Variants in RARB observed in about 807,000 individuals in gnomAD.
The protein encoded by RARB is retinoic acid receptor beta, also known as HBV-activated protein.
A neutral mutation model predicts 51.9 loss-of-function variants in RARB; 17 were observed. The observed-to-expected ratio is 0.33, with a 90% CI of 0.22 to 0.49. The LOEUF is 0.49. RARB is among the 20% of genes least tolerant of loss of function. The probability of loss-of-function intolerance (pLI) is 0.99; values close to 1 mark genes in which losing one functional copy is unlikely to be tolerated. For synonymous variants in RARB, 215 were observed against 195.4 expected, an observed-to-expected ratio of 1.10 and a Z score of -0.84; for missense variants, 369 against 550.8, an observed-to-expected ratio of 0.67 and a Z score of 3.30.
chr3:24,883,256 C>T (rs2125358241), intron 2 of RARB, among the ~76,000 whole-genome samples: 1 of 152,110 alleles, frequency 6.6e-6, no homozygotes, highest in African/African-American at 2.4e-5. Flanking sequence ...AGTCATTGAT[C>T]TCTAATTAAA....
At chr3:25,341,663 C>G (rs1705231597) in intron 5 of RARB, among the ~76,000 whole-genome samples, 3 of 152,120 alleles carry the variant, frequency 2.0e-5, no homozygotes, top group Non-Finnish European at 4.4e-5. Flanking sequence ...GGATATTTGA[C>G]TATGTTTAGA....
intron 2 of RARB, among the ~76,000 whole-genome samples, chr3:24,957,316 C>A (rs994385617): frequency 3.3e-5 from 5 of 152,116 alleles, no homozygotes; most frequent in African/African-American, 1.2e-4. Flanking sequence ...TTTTGTCCTT[C>A]CCTAGGAAAT....
intron 1 of RARB, among the ~76,000 whole-genome samples, chr3:24,841,991 G>A (rs1195887226): frequency 6.6e-6 from 1 of 151,898 alleles, no homozygotes; most frequent in Non-Finnish European, 1.5e-5. Context: ...TATATTCCTG[G>A]ACCCCTTTAA....
At chr3:25,325,467 G>A (rs969453738) in intron 5 of RARB, among the ~76,000 whole-genome samples, 1 of 152,020 alleles carries the variant, frequency 6.6e-6, no homozygotes, top group Non-Finnish European at 1.5e-5. Context: ...GTAGCTCTCA[G>A]CCTTATTTTA....
chr3:24,939,978 T>C (rs780874005), intron 2 of RARB, among the ~76,000 whole-genome samples: 37 of 152,236 alleles, frequency 2.4e-4, no homozygotes, highest in Non-Finnish European at 5.1e-4. Context: ...GGATAAATTT[T>C]GTGATTCTAA....
At chr3:25,269,192 A>G (rs1351597139) in intron 5 of RARB, among the ~76,000 whole-genome samples, 1 of 152,226 alleles carries the variant, frequency 6.6e-6, no homozygotes, top group African/African-American at 2.4e-5. Flanking sequence ...ATAGCAAACA[A>G]ATAGTCATAT....
intron 5 of RARB, among the ~76,000 whole-genome samples, chr3:25,264,654 CAT>C: frequency 6.6e-6 from 1 of 152,172 alleles, no homozygotes; most frequent in East Asian, 1.9e-4. Flanking sequence ...AATATAAAAA[CAT>C]ATAATTATGG....
intron 3 of RARB, among the ~76,000 whole-genome samples, chr3:25,089,960 C>T (rs544366368): frequency 6.6e-5 from 10 of 152,266 alleles, no homozygotes; most frequent in African/African-American, 2.4e-4. Flanking sequence ...AGAGCAATCC[C>T]TTCACATTGA....
rs956945168 is a variant in RARB, at chr3:24,951,744, G to C, written c.-380+92992G>C. Among the ~76,000 whole-genome samples the C allele has an allele frequency of 4.6e-5, 7 of 152,172 alleles. No individual in the cohort carries two copies. The East Asian group carries it at 1.3e-3, about 29-fold the overall frequency. ...CCAATGACCCCCCAAAGGGGCACAA[G>C]ATGCGAGAGGAGAGATGCTGCTCCT... On this transcript the variant is annotated intron_variant, in intron 2 of 11. Coordinates refer to the RARB transcript ENST00000383772.
At chr3:25,046,810 A>G (rs554764282) in intron 2 of RARB, among the ~76,000 whole-genome samples, 65 of 152,340 alleles carry the variant, frequency 4.3e-4, no homozygotes, top group African/African-American at 1.6e-3. Context: ...AAGCTTGACT[A>G]ATAGTTAATA....
chr3:25,372,975 T>C (rs1706348798), intron 5 of RARB, among the ~76,000 whole-genome samples: 1 of 152,126 alleles, frequency 6.6e-6, no homozygotes, highest in Non-Finnish European at 1.5e-5. Context: ...TCAAGGTTTG[T>C]GATGTGAGCA....
chr3:24,965,226 G>A (rs1043535927), intron 2 of RARB, among the ~76,000 whole-genome samples: 1 of 151,964 alleles, frequency 6.6e-6, no homozygotes. Flanking sequence ...TTTTTGTCAG[G>A]TATTTTGTAT....
At chr3:25,049,470 C>A (rs191297628) in intron 2 of RARB, among the ~76,000 whole-genome samples, 34 of 152,258 alleles carry the variant, frequency 2.2e-4, no homozygotes, top group Non-Finnish European at 2.9e-5. Flanking sequence ...TTTGACTATT[C>A]TTTTTCCAGT....
chr3:25,090,620 T>G (rs560474687), intron 3 of RARB, among the ~76,000 whole-genome samples: 1 of 152,284 alleles, frequency 6.6e-6, no homozygotes, highest in African/African-American at 2.4e-5. Context: ...TCATTAATCC[T>G]TTGGGATACA....
At chr3:24,929,213 A>G (rs1485747641) in intron 2 of RARB, among the ~76,000 whole-genome samples, 2 of 152,120 alleles carry the variant, frequency 1.3e-5, no homozygotes, top group Non-Finnish European at 2.9e-5. Context: ...AAACAGAACA[A>G]CAGGTTACTA....
chr3:25,190,918 A>T (rs1701088080), intron 5 of RARB, among the ~76,000 whole-genome samples: 1 of 152,156 alleles, frequency 6.6e-6, no homozygotes, highest in African/African-American at 2.4e-5. Context: ...TGCTAAATCA[A>T]GTCAGAGTCA....
At chr3:25,426,037 A>G (rs1330086506), upstream of RARB, among the ~76,000 whole-genome samples, 1 of 152,068 alleles carries the variant, frequency 6.6e-6, no homozygotes, top group African/African-American at 2.4e-5. Context: ...ATCCACCTCC[A>G]CTGTCCGGTA....
chr3:25,065,261 A>AG (rs1698638894), intron 3 of RARB, among the ~76,000 whole-genome samples: 1 of 152,120 alleles, frequency 6.6e-6, no homozygotes, highest in Admixed American at 6.6e-5. Context: ...TCCTATATCA[A>AG]GTAGGAAGAA....
At chr3:25,285,190 T>C (rs1024559811) in intron 5 of RARB, among the ~76,000 whole-genome samples, 4 of 152,114 alleles carry the variant, frequency 2.6e-5, no homozygotes, top group African/African-American at 7.2e-5. Flanking sequence ...AGTAAAGAAA[T>C]TGTCCTAGCA....
Sources: gnomAD v4.1 joint callset for allele counts (sites outside exome capture counted in the v4.1 genomes callset) on GRCh38, gnomAD v4.1.1 for gene constraint, MANE v1.5 for transcripts, NCBI Gene and HGNC (gene_info 2026-07-23, HGNC 2026-07-21) for gene names.